ADGRV1: variants seen among roughly 807,000 people sequenced by gnomAD.
The protein encoded by ADGRV1 is adhesion G protein-coupled receptor V1, also known as G-protein coupled receptor 98.
ADGRV1 carries 359 observed loss-of-function variants against 596.2 expected under a neutral mutation model. That is an observed-to-expected ratio of 0.60 (90% CI 0.55 to 0.66). The LOEUF is 0.66. Ranked by LOEUF, ADGRV1 falls within the 30% of genes least tolerant of loss-of-function variation. The probability of loss-of-function intolerance (pLI) is 0.00; values close to 1 mark genes in which losing one functional copy is unlikely to be tolerated. For missense variants in ADGRV1, 7,274 were observed against 7,575.6 expected (o/e 0.96, Z 1.48); for synonymous variants, 2,681 against 2,679.2 (o/e 1.00, Z -0.02).
At chr5:90,761,995 G>A (rs557398124) in intron 58 of ADGRV1, among the ~76,000 whole-genome samples, 4 of 152,258 alleles carry the variant, frequency 2.6e-5, no homozygotes, top group African/African-American at 7.2e-5. Flanking sequence ...CGGTGACACA[G>A]ATTAGATTCA....
chr5:91,014,125 AT>A (rs1782957844), intron 85 of ADGRV1, among the ~76,000 whole-genome samples: 2 of 32,568 alleles, frequency 6.1e-5, no homozygotes, highest in Non-Finnish European at 1.2e-4. Flanking sequence ...AGGCAATCCC[AT>A]TCACAATTGC....
chr5:91,052,188 C>T (rs1011510471), intron 85 of ADGRV1, among the ~76,000 whole-genome samples: 3 of 151,460 alleles, frequency 2.0e-5, no homozygotes, highest in African/African-American at 7.3e-5. Context: ...AGGGTCTCTG[C>T]AGTGAGTTTT....
At chr5:90,870,242 G>A (rs1768533422) in intron 83 of ADGRV1, among the ~76,000 whole-genome samples, 1 of 152,122 alleles carries the variant, frequency 6.6e-6, no homozygotes, top group African/African-American at 2.4e-5. Context: ...TTGTGGCACT[G>A]AATTTAGTGA....
chr5:90,724,026 G>T (rs2149791001), intron 45 of ADGRV1, among the ~76,000 whole-genome samples: 1 of 151,760 alleles, frequency 6.6e-6, no homozygotes, highest in Admixed American at 6.6e-5. Flanking sequence ...AGTCTGCTTG[G>T]CATTCTTAAA....
chr5:90,774,284 A>G lies in ADGRV1; in HGVS notation c.12384A>G (p.Val4128=). The G allele has an allele frequency of 1.3e-6, 2 of 1,568,250 alleles. No individual in the cohort carries two copies. The highest frequency in any genetic ancestry group is 1.8e-6 in the Non-Finnish European group (2 of 1,138,420). Residue 4128 remains valine (V), a synonymous_variant, in exon 60 of 90, where the codon GTA becomes GTG. Transcript: ENST00000405460. ...TTCAGCTGATATCAATTGATGAGGT[A>G]GAAATATCTCCAGTAAAAGGTAAGA... ...FTIQLISIDE[V]EISPVKGSAS...
At chr5:90,642,407 TAAAA>T (rs1278423336) in intron 11 of ADGRV1, among the ~76,000 whole-genome samples, 2 of 152,112 alleles carry the variant, frequency 1.3e-5, no homozygotes, top group African/African-American at 2.4e-5. Flanking sequence ...TTTTGTCAAA[TAAAA>T]AAAGATGTAA....
chr5:91,048,819 C>T (rs1786061598), intron 85 of ADGRV1, among the ~76,000 whole-genome samples: 1 of 152,086 alleles, frequency 6.6e-6, no homozygotes, highest in Non-Finnish European at 1.5e-5. Flanking sequence ...CAAGATCTAT[C>T]AATTTTTGTA....
intron 48 of ADGRV1, among the ~76,000 whole-genome samples, chr5:90,728,207 C>T (rs1752052877): frequency 6.6e-6 from 1 of 152,146 alleles, no homozygotes; most frequent in Non-Finnish European, 1.5e-5. Context: ...AACTTGCATA[C>T]GTTGACTGCC....
chr5:91,123,460 G>A (rs1466883503), intron 87 of ADGRV1, among the ~76,000 whole-genome samples: 1 of 152,040 alleles, frequency 6.6e-6, no homozygotes, highest in Non-Finnish European at 1.5e-5. Context: ...GGGAAAAGGG[G>A]GCTAACAAGC....
At chr5:90,706,745 AT>A (rs1289240918) in intron 38 of ADGRV1, among the ~76,000 whole-genome samples, 1 of 145,016 alleles carries the variant, frequency 6.9e-6, no homozygotes, top group Non-Finnish European at 1.5e-5. Context: ...AAAAAAAAAA[AT>A]TACTCTGACT....
intron 50 of ADGRV1, among the ~76,000 whole-genome samples, chr5:90,740,907 A>G (rs1753882093): frequency 6.6e-6 from 1 of 152,150 alleles, no homozygotes; most frequent in Non-Finnish European, 1.5e-5. Context: ...TTCCTCTTAC[A>G]CTTCAATTGT....
Position 90,674,245 on chromosome 5 carries a change from C to A in ADGRV1, c.5110+11C>A. ...GTGATCATCCATATGGTAACCTGCT[C>A]CTTTTGCAAGAAAAATCCTCTCTTC... On this transcript the variant is annotated intron_variant, in intron 23 of 89. Transcript: ENST00000405460. 6.5e-7 allele frequency: 1 copy of A among 1,546,344 alleles called. No individual in the cohort carries two copies. Among genetic ancestry groups the A allele is most frequent in the Non-Finnish European group, 8.7e-7 (1 of 1,148,528 alleles).
chr5:90,780,584 A>G (rs1758730608), intron 64 of ADGRV1, among the ~76,000 whole-genome samples: 1 of 152,224 alleles, frequency 6.6e-6, no homozygotes, highest in South Asian at 2.1e-4. Flanking sequence ...TTGCAGAAGT[A>G]TCATTACAGA....
chr5:90,973,741 T>C (rs1581679611), intron 84 of ADGRV1, among the ~76,000 whole-genome samples: 2 of 152,094 alleles, frequency 1.3e-5, no homozygotes, highest in East Asian at 3.9e-4. Context: ...CTACAACCAA[T>C]ATCATACTGA....
At position 90,828,967 on chromosome 5, in the gene ADGRV1, T is replaced by G. The variant is rs1246163066; in HGVS notation, c.16392T>G (p.Phe5464Leu). The change falls in exon 77 of 90, where the codon TTT (phenylalanine) becomes TTG (leucine). Residue 5464 changes from phenylalanine to leucine, a missense_variant. This residue lies in a region of ADGRV1 where 1,874 missense variants were observed against 1,970.2 expected (regional missense o/e 0.95). Transcript: ENST00000405460. Reference protein sequence around the residue: ...PEKVPQVEVYFFVELYEATAG... With the variant: ...PEKVPQVEVYLFVELYEATAG... ...AGGTACCACAGGTTGAAGTGTATTTTTTTGTGGAACTATATGAAGCTACTG... is the reference window on the plus strand; with the variant it reads ...AGGTACCACAGGTTGAAGTGTATTTGTTTGTGGAACTATATGAAGCTACTG... 1 of 1,586,932 alleles carries G rather than the reference T, an allele frequency of 6.3e-7. No homozygotes were observed. Among genetic ancestry groups the G allele is most frequent in the Non-Finnish European group, 8.6e-7 (1 of 1,163,790 alleles).
intron 85 of ADGRV1, among the ~76,000 whole-genome samples, chr5:91,008,441 G>T (rs1447690462): frequency 6.6e-6 from 1 of 152,014 alleles, no homozygotes; most frequent in Non-Finnish European, 1.5e-5. Flanking sequence ...AAGAAGTCAT[G>T]AGTTTTCAGT....
Position 90,696,971 on chromosome 5 carries a change from G to T in ADGRV1, c.7980G>T (p.Leu2660Phe). 1.2e-6 allele frequency: 2 copies of T among 1,612,226 alleles called. No individual in the cohort carries two copies. The change falls in exon 34 of 90, where the codon TTG (leucine) becomes TTT (phenylalanine). Residue 2660 changes from leucine to phenylalanine, a missense_variant. Leu to Phe is a conservative substitution (Grantham distance 22, BLOSUM62 0). Transcript: ENST00000405460. ...AAAAGACAGTCATTTTAACCATCTT[G>T]GATGACTCTGAACCAGAGGATGACG... ...ETKKTVILTI[L>F]DDSEPEDDES...
intron 74 of ADGRV1, among the ~76,000 whole-genome samples, chr5:90,813,167 T>TAAAAAAAAA (rs1561786626): frequency 8.6e-5 from 9 of 104,328 alleles, no homozygotes; most frequent in Admixed American, 2.5e-4. Context: ...AAAAAAAATT[T>TAAAAAAAAA]ATTTGGCAGT....
Position 90,622,584 on chromosome 5 carries a change from CT to C in ADGRV1, c.454-10del. 7.4e-7 allele frequency: 1 copy of C among 1,348,672 alleles called. No homozygotes were observed. The highest frequency in any genetic ancestry group is 2.7e-5 in the East Asian group (1 of 37,260). The allele number at this position is 1,348,672 out of a possible 1,614,324, so 83.5% of individuals were successfully genotyped here. On this transcript the variant is annotated splice_polypyrimidine_tract_variant and intron_variant, in intron 4 of 89. Coordinates refer to ENST00000405460, the MANE Select transcript of ADGRV1 (RefSeq NM_032119.4). ...CTCAGCTCCTGATCATCTGTGCTTG[CT>C]TTCCTCAATAGCTTCCCTCAATCGC...
Sources: allele counts gnomAD v4.1 joint callset (sites outside exome capture counted in the v4.1 genomes callset), GRCh38; gene constraint gnomAD v4.1.1; regional missense constraint gnomAD v4.1.1; transcripts MANE v1.5; gene names NCBI Gene and HGNC (gene_info 2026-07-23, HGNC 2026-07-21).